Variants in DPP10 observed in about 807,000 individuals in gnomAD.
The protein encoded by DPP10 is dipeptidyl peptidase like 10.
In DPP10, 33 loss-of-function variants were observed where a neutral mutation model predicts 120.9. The ratio of observed to expected loss-of-function variants is 0.27; its 90% CI spans 0.21 to 0.37. The LOEUF is 0.37. DPP10 is among the 10% of genes least tolerant of loss of function. The pLI is 1.00. For synonymous variants in DPP10, 337 were observed against 326.1 expected, an observed-to-expected ratio of 1.03 and a Z score of -0.36; for missense variants, 816 against 942.8, an observed-to-expected ratio of 0.87 and a Z score of 1.76.
At chr2:115,259,270 T>C (rs780401167) in intron 1 of DPP10, among the ~76,000 whole-genome samples, 27 of 152,012 alleles carry the variant, frequency 1.8e-4, no homozygotes, top group Non-Finnish European at 3.5e-4. Flanking sequence ...TCACCTGAGA[T>C]TGGGAGTTCG....
intron 1 of DPP10, among the ~76,000 whole-genome samples, chr2:115,086,140 C>G (rs1397920170): frequency 1.3e-5 from 2 of 152,192 alleles, no homozygotes; most frequent in African/African-American, 4.8e-5. Flanking sequence ...ATAGCTAGAT[C>G]TTTTTCTTTC....
chr2:114,979,676 G>A (rs55690533), intron 1 of DPP10, among the ~76,000 whole-genome samples: 18,464 of 151,846 alleles, frequency 0.12, 1,228 homozygotes, highest in African/African-American at 0.13. Context: ...ATTTACTCAG[G>A]GTTCATTTTA....
chr2:115,557,479 G>T (rs951305254), intron 5 of DPP10, among the ~76,000 whole-genome samples: 4 of 152,124 alleles, frequency 2.6e-5, no homozygotes, highest in African/African-American at 9.7e-5. Flanking sequence ...TCTGTATAGA[G>T]CTTGCAAACT....
intron 1 of DPP10, among the ~76,000 whole-genome samples, chr2:115,214,795 C>T (rs1408361900): frequency 6.6e-6 from 1 of 152,176 alleles, no homozygotes; most frequent in Non-Finnish European, 1.5e-5. Context: ...CATTCCCATA[C>T]CTCTCTTCCA....
rs760292540 is a variant in DPP10, at chr2:115,791,229, T to C, written c.1630+50T>C. 26 of 1,605,928 alleles carry C rather than the reference T, an allele frequency of 1.6e-5. No homozygotes were observed. In the East Asian group the frequency reaches 5.8e-4, roughly 36 times the overall value. ...ATTCAAGAACAACTTTCTCTGCGTC[T>C]TATAGTTTTACCTGCAAATGACTCT... is the stretch of plus-strand genomic sequence containing the variant. On this transcript the variant is annotated intron_variant, in intron 18 of 25. Transcript: ENST00000410059.
At chr2:115,031,202 G>A (rs1703817639) in intron 1 of DPP10, among the ~76,000 whole-genome samples, 1 of 152,008 alleles carries the variant, frequency 6.6e-6, no homozygotes, top group African/African-American at 2.4e-5. Flanking sequence ...TCTTAGAAGA[G>A]TCATTCAGGG....
intron 5 of DPP10, among the ~76,000 whole-genome samples, chr2:115,569,407 T>C (rs1336446457): frequency 6.6e-6 from 1 of 152,210 alleles, no homozygotes; most frequent in Non-Finnish European, 1.5e-5. Context: ...GTTCATATAT[T>C]AAGTAATTAC....
intron 5 of DPP10, among the ~76,000 whole-genome samples, chr2:115,675,470 G>T (rs1270207509): frequency 6.6e-6 from 1 of 152,052 alleles, no homozygotes; most frequent in African/African-American, 2.4e-5. Flanking sequence ...GATGTTTAAG[G>T]GAGAACAATG....
chr2:114,785,865 A>G (rs112750881), intron 1 of DPP10, among the ~76,000 whole-genome samples: 188 of 152,348 alleles, frequency 1.2e-3, no homozygotes, highest in African/African-American at 4.4e-3. Flanking sequence ...TTAAATAAAC[A>G]ACTAAGAGGA....
At chr2:114,594,206 A>G (rs1298199590) in intron 1 of DPP10, among the ~76,000 whole-genome samples, 5 of 152,028 alleles carry the variant, frequency 3.3e-5, no homozygotes, top group Non-Finnish European at 5.9e-5. Flanking sequence ...GCCTCCCAGC[A>G]TACATCTTTC....
intron 5 of DPP10, among the ~76,000 whole-genome samples, chr2:115,687,619 A>G (rs1325757655): frequency 7.7e-6 from 1 of 130,024 alleles, no homozygotes; most frequent in Non-Finnish European, 1.9e-5. Context: ...TCTTCACCTC[A>G]ACACACTTAC....
chr2:114,663,783 A>C (rs573424702), intron 1 of DPP10, among the ~76,000 whole-genome samples: 1 of 151,686 alleles, frequency 6.6e-6, no homozygotes, highest in Non-Finnish European at 1.5e-5. Flanking sequence ...ACCATGAGCG[A>C]TTTACTTAGT....
intron 5 of DPP10, among the ~76,000 whole-genome samples, chr2:115,598,622 C>G (rs1288887969): frequency 6.6e-6 from 1 of 151,826 alleles, no homozygotes; most frequent in Non-Finnish European, 1.5e-5. Flanking sequence ...TTAATATACA[C>G]ACAGATTAAA....
intron 21 of DPP10, among the ~76,000 whole-genome samples, chr2:115,835,170 T>G (rs1051040389): frequency 6.0e-5 from 9 of 151,026 alleles, no homozygotes; most frequent in Non-Finnish European, 1.0e-4. Context: ...AAACAGAAGC[T>G]TAATAACATA....
intron 1 of DPP10, among the ~76,000 whole-genome samples, chr2:115,132,414 C>G (rs1187150488): frequency 6.6e-6 from 1 of 152,086 alleles, no homozygotes; most frequent in Non-Finnish European, 1.5e-5. Context: ...TGCAAATTTC[C>G]CCCACAAAAG....
chr2:115,699,102 C>T (rs149035773), intron 7 of DPP10, among the ~76,000 whole-genome samples: 22 of 146,350 alleles, frequency 1.5e-4, no homozygotes, highest in South Asian at 4.4e-4. Context: ...ATATTATGAC[C>T]GTTTCTACAC....
At chr2:115,563,024 C>A (rs1250889385) in intron 5 of DPP10, among the ~76,000 whole-genome samples, 1 of 152,170 alleles carries the variant, frequency 6.6e-6, no homozygotes, top group African/African-American at 2.4e-5. Context: ...TTTTCAACTA[C>A]CTTTCCTGGA....
chr2:114,873,439 G>A (rs549674224), intron 1 of DPP10, among the ~76,000 whole-genome samples: 2 of 152,214 alleles, frequency 1.3e-5, no homozygotes, highest in East Asian at 3.9e-4. Context: ...ATGTGCGTGA[G>A]GATAAGTCAT....
intron 5 of DPP10, among the ~76,000 whole-genome samples, chr2:115,555,875 G>A (rs2080178131): frequency 6.6e-6 from 1 of 151,980 alleles, no homozygotes; most frequent in South Asian, 2.1e-4. Context: ...TTTTTGTCAT[G>A]TATGTGTGGT....
Sources: gnomAD v4.1 joint callset for allele counts (sites outside exome capture counted in the v4.1 genomes callset) on GRCh38, gnomAD v4.1.1 for gene constraint, MANE v1.5 for transcripts, NCBI Gene and HGNC (gene_info 2026-07-23, HGNC 2026-07-21) for gene names.